The following PRSS55 variants were observed in gnomAD, a reference collection of about 807,000 sequenced individuals.
PRSS55 encodes the protein probable serine protease UNQ9391/PRO34284.
Under a neutral mutation model 23.6 loss-of-function variants are expected in PRSS55, and 41 were observed. The observed-to-expected ratio is 1.74, with a 90% CI of 1.35 to 2.26. PRSS55 has a LOEUF of 2.26. Among genes scored for constraint, PRSS55 ranks in the 30% most tolerant of loss-of-function variants. PRSS55 has a pLI of 0.00. For synonymous variants in PRSS55, 262 were observed against 175.5 expected (o/e 1.49, Z -3.90); for missense variants, 669 against 439.1 (o/e 1.52, Z -4.68).
chr8:10,535,133 C>T (rs554141087), intron 4 of PRSS55, among the ~76,000 whole-genome samples: 1 of 152,244 alleles, frequency 6.6e-6, no homozygotes, highest in Admixed American at 6.5e-5. Context: ...TTAAAATGGC[C>T]ATACTACCCA....
chr8:10,530,877 C>A (rs978439159), intron 2 of PRSS55, among the ~76,000 whole-genome samples: 10 of 152,034 alleles, frequency 6.6e-5, no homozygotes, highest in African/African-American at 2.4e-4. Context: ...AACTTCTGGT[C>A]CTGAGTTTCT....
At chr8:10,535,657 C>T (rs970244558) in intron 4 of PRSS55, among the ~76,000 whole-genome samples, 2 of 152,190 alleles carry the variant, frequency 1.3e-5, no homozygotes, top group African/African-American at 4.8e-5. Flanking sequence ...TTGACATAGG[C>T]CTTAGCAAAG....
chr8:10,554,132 A>G (rs753675920), exon 5 of PRSS55: 57 of 672,308 alleles, frequency 8.5e-5, no homozygotes, highest in Non-Finnish European at 5.8e-5. Flanking sequence ...TTTCTGTCCA[A>G]ATGACTGAAA....
intron 3 of PRSS55, among the ~76,000 whole-genome samples, chr8:10,532,465 C>A (rs1812302522): frequency 6.6e-6 from 1 of 152,216 alleles, no homozygotes; most frequent in African/African-American, 2.4e-5. Context: ...TGCCAACCTG[C>A]CCTTGCTGAG....
At chr8:10,536,147 A>G (rs1585879106) in intron 4 of PRSS55, among the ~76,000 whole-genome samples, 2 of 152,322 alleles carry the variant, frequency 1.3e-5, no homozygotes, top group East Asian at 1.9e-4. Context: ...GACTGCTGCC[A>G]CTGCACTCAA....
intron 4 of PRSS55, among the ~76,000 whole-genome samples, chr8:10,553,423 A>G (rs1812994537): frequency 6.6e-6 from 1 of 152,230 alleles, no homozygotes; most frequent in Non-Finnish European, 1.5e-5. Context: ...TGAATGATAA[A>G]GAGAATGTGA....
intron 3 of PRSS55, 159 bp downstream of exon 3, chr8:10,531,704 A>C (rs779201600): frequency 1.4e-5 from 14 of 1,011,558 alleles, no homozygotes; most frequent in Non-Finnish European, 2.0e-5. Flanking sequence ...TGGGTGCCGA[A>C]ACCCCAAGGT....
intron 1 of PRSS55, among the ~76,000 whole-genome samples, chr8:10,526,861 G>C (rs183009381): frequency 4.6e-5 from 7 of 152,306 alleles, no homozygotes; most frequent in African/African-American, 1.7e-4. Flanking sequence ...ATGAAGAAAG[G>C]GGGGTGGGTA....
In PRSS55 at chr8:10,548,894, G is replaced by A. The variant is rs889870556; in HGVS notation, c.742-5049G>A. Among the ~76,000 whole-genome samples the A allele has an allele frequency of 5.3e-5, 8 of 152,172 alleles. No individual in the cohort carries two copies. In the South Asian group the frequency reaches 1.0e-3, roughly 20 times the overall value. On this transcript the variant is annotated intron_variant, in intron 4 of 4. Transcript: ENST00000522210. ...GGGGGAGACAGACTAGGAATGGCCA[G>A]CCCCAGAGATCAAAGTCAAAAGCAG... is the stretch of plus-strand genomic sequence containing the variant.
rs1812018172 is a variant in PRSS55, at chr8:10,526,246, T to C, written c.154+507T>C. ...CTGCTAGGGGTCGAGCATTTCCCCATGTTTAACGCCCACACCACCACGGTG... is the reference window on the plus strand; with the variant it reads ...CTGCTAGGGGTCGAGCATTTCCCCACGTTTAACGCCCACACCACCACGGTG... On this transcript the variant is annotated intron_variant, in intron 1 of 4. Coordinates refer to ENST00000328655, the MANE Select transcript of PRSS55 (RefSeq NM_198464.4). 1.3e-5 allele frequency among the ~76,000 whole-genome samples: 2 copies of C among 152,178 alleles called. 1 individual carries two copies. Among genetic ancestry groups the C allele is most frequent in the South Asian group, 4.1e-4 (2 of 4,836 alleles).
At chr8:10,531,051 C>T (rs1262049708) in intron 2 of PRSS55, among the ~76,000 whole-genome samples, 1 of 152,154 alleles carries the variant, frequency 6.6e-6, no homozygotes, top group Non-Finnish European at 1.5e-5. Context: ...TCATTCATAT[C>T]CCTGGGGCCC....
At chr8:10,543,751 TA>T (rs1422688972), downstream of PRSS55, among the ~76,000 whole-genome samples, 1 of 152,034 alleles carries the variant, frequency 6.6e-6, no homozygotes, top group Non-Finnish European at 1.5e-5. Context: ...TCATTGACCT[TA>T]AAGTATTTTC....
At chr8:10,534,246 G>T (rs773572058) in intron 4 of PRSS55, among the ~76,000 whole-genome samples, 2 of 152,196 alleles carry the variant, frequency 1.3e-5, no homozygotes, top group Non-Finnish European at 2.9e-5. Context: ...ATAGTATCTT[G>T]TAAAATAAAA....
Position 10,538,592 on chromosome 8 carries a change from C to T in PRSS55, c.858C>T (p.Thr286=). 1 of 1,614,122 alleles carries T rather than the reference C, an allele frequency of 6.2e-7. No individual in the cohort carries two copies. Among genetic ancestry groups the T allele is most frequent in the Non-Finnish European group, 8.5e-7 (1 of 1,179,990 alleles). ...AGAAGAACACCCCAGGGATATACAC[C>T]TCGTTGGTGAACTACAACCTCTGGA... The part of the protein sequence containing the change: ...CGEKNTPGIY[T]SLVNYNLWIE... Residue 286 remains threonine (T), a synonymous_variant, in exon 5 of 5, where the codon ACC becomes ACT. Transcript: ENST00000328655.
At chr8:10,526,349 G>T (rs1812022287) in intron 1 of PRSS55, among the ~76,000 whole-genome samples, 1 of 152,182 alleles carries the variant, frequency 6.6e-6, no homozygotes, top group South Asian at 2.1e-4. Context: ...TTGCCCCAGG[G>T]GGAAATGATA....
chr8:10,545,200 T>TA (rs1462397648), intron 4 of PRSS55: 1 of 71,244 alleles, frequency 1.4e-5, no homozygotes, highest in East Asian at 1.1e-3. Flanking sequence ...AAGCCCACAC[T>TA]ATTTTTTTTT....
At chr8:10,543,423 TCTTC>T (rs71203335), downstream of PRSS55, among the ~76,000 whole-genome samples, 15 of 71,562 alleles carry the variant, frequency 2.1e-4, no homozygotes, top group African/African-American at 5.7e-4. Flanking sequence ...CTTCTTTCTT[TCTTC>T]CTTCCTTCCT....
At chr8:10,536,665 T>G (rs1255958119) in intron 4 of PRSS55, among the ~76,000 whole-genome samples, 1 of 150,574 alleles carries the variant, frequency 6.6e-6, no homozygotes, top group African/African-American at 2.5e-5. Context: ...ACACGTACAC[T>G]GTGGAATACT....
In PRSS55 at chr8:10,538,564, G is replaced by A. The variant is rs754528938; in HGVS notation, c.830G>A (p.Gly277Glu). Residue 277 changes from glycine (G) to glutamate (E), a missense_variant, in exon 5 of 5, where the codon GGA becomes GAA. Physicochemically the swap from Gly to Glu is moderately conservative, Grantham distance 98. Transcript: ENST00000328655. Reference protein sequence around the residue: ...VGIISWGKSCGEKNTPGIYTS... With the variant: ...VGIISWGKSCEEKNTPGIYTS... ...ATCATAAGCTGGGGAAAGAGCTGTG[G>A]AGAGAAGAACACCCCAGGGATATAC... 1.2e-6 allele frequency: 2 copies of A among 1,614,054 alleles called. No individual in the cohort carries two copies. Among genetic ancestry groups the A allele is most frequent in the Non-Finnish European group, 8.5e-7 (1 of 1,180,028 alleles).
Sources: allele counts gnomAD v4.1 joint callset (sites outside exome capture counted in the v4.1 genomes callset), GRCh38; gene constraint gnomAD v4.1.1; transcripts MANE v1.5; gene names NCBI Gene and HGNC (gene_info 2026-07-23, HGNC 2026-07-21).